Variants in RAD17 observed in about 807,000 individuals in gnomAD.
RAD17 encodes the protein RAD17 checkpoint clamp loader component.
Under a neutral mutation model 81.5 loss-of-function variants are expected in RAD17, and 31 were observed. The observed-to-expected ratio is 0.38, with a 90% confidence interval of 0.29 to 0.51. The LOEUF is 0.51. Among genes scored for constraint, RAD17 ranks in the 20% least tolerant of loss-of-function variants. RAD17 has a pLI of 0.88. For synonymous variants in RAD17, 261 were observed against 266.2 expected (o/e 0.98, Z 0.19); for missense variants, 681 against 781.2 (o/e 0.87, Z 1.53).
In RAD17 at chr5:69,414,046, C is replaced by T. The variant is rs145069236; in HGVS notation, c.1767C>T (p.Ala589=). 4 of 1,614,096 alleles carry T rather than the reference C, an allele frequency of 2.5e-6. No homozygotes were observed. The African/African-American group carries it at 5.3e-5, about 22-fold the overall frequency. ...KRHFGRLKME[A]LTDREHGMID... ...AATCTGACAGATTGAAAATGGAAGC[C>T]CTGACTGACAGGGAACATGGAATGA... is the stretch of plus-strand genomic sequence containing the variant. Residue 589 remains alanine (A), a synonymous_variant, in exon 19 of 19, where the codon GCC becomes GCT. Coordinates refer to ENST00000354868, the MANE Select transcript of RAD17 (RefSeq NM_133338.3).
intron 6 of RAD17, among the ~76,000 whole-genome samples, chr5:69,381,479 CA>C (rs57160119): frequency 0.026 from 3,505 of 133,006 alleles, 98 homozygotes; most frequent in African/African-American, 0.08. Flanking sequence ...AGACTCGTCT[CA>C]AAAAAAAAAA....
chr5:69,371,598 A>G, intron 3 of RAD17, 41 bp downstream of exon 3: 1 of 1,160,106 alleles, frequency 8.6e-7, no homozygotes, highest in Non-Finnish European at 1.2e-6. Context: ...TTGCCTTAAA[A>G]TAATTATAAA....
At chr5:69,389,191 C>A in intron 12 of RAD17, 46 bp downstream of exon 12, 2 of 1,169,102 alleles carry the variant, frequency 1.7e-6, no homozygotes, top group Non-Finnish European at 2.4e-6. Context: ...AGGTGACTGA[C>A]TTTCTCTTAA....
intron 18 of RAD17, among the ~76,000 whole-genome samples, chr5:69,410,991 A>ATATATATATC (rs1390764054): frequency 2.1e-5 from 3 of 144,538 alleles, no homozygotes; most frequent in African/African-American, 7.5e-5. Context: ...ATATATATAT[A>ATATATATATC]TATATACTGT....
chr5:69,402,526 GTGCC>G (rs1361970344), intron 17 of RAD17, among the ~76,000 whole-genome samples: 1 of 151,880 alleles, frequency 6.6e-6, no homozygotes, highest in African/African-American at 2.4e-5. Flanking sequence ...ACGGTGGCAG[GTGCC>G]TGTAGTCCCA....
intron 6 of RAD17, 73 bp downstream of exon 6, chr5:69,374,784 A>T: frequency 7.9e-7 from 1 of 1,262,006 alleles, no homozygotes; most frequent in Non-Finnish European, 1.1e-6. Context: ...GTTAGAAGTT[A>T]AAGTTTTATG....
intron 15 of RAD17, among the ~76,000 whole-genome samples, chr5:69,394,716 G>A (rs1001142114): frequency 4.6e-5 from 7 of 152,100 alleles, no homozygotes; most frequent in African/African-American, 1.2e-4. Flanking sequence ...ATTGCAGGGC[G>A]TTCTGTTGGA....
Position 69,412,133 on chromosome 5 carries a change from T to G in RAD17, c.1751+1583T>G, listed in dbSNP as rs375134099. Among the ~76,000 whole-genome samples the G allele has an allele frequency of 4.4e-3, 666 of 151,378 alleles. 7 individuals carry two copies. The highest frequency in any genetic ancestry group is 0.016 in the African/African-American group (649 of 40,740). ...CACCACGCCCAGCTAATTTTTTGTA[T>G]TTTTAGTAGAGACAGGGTTTCACTG... is the stretch of plus-strand genomic sequence containing the variant. On this transcript the variant is annotated intron_variant, in intron 18 of 18. Coordinates refer to ENST00000354868, the MANE Select transcript of RAD17 (RefSeq NM_133338.3).
In RAD17 at chr5:69,414,217, G is replaced by C. The variant is rs1390392341; in HGVS notation, c.1938G>C (p.Gln646His). ...QNSASELPAS[Q>H]PQPFSAQGDM... ...GTGCCAGTGAACTGCCTGCTAGCCAGCCCCAGCCCTTTTCAGCCCAAGGAG... is the reference window on the plus strand; with the variant it reads ...GTGCCAGTGAACTGCCTGCTAGCCACCCCCAGCCCTTTTCAGCCCAAGGAG... The change falls in exon 19 of 19, where the codon CAG becomes CAC. Residue 646 changes from glutamine to histidine, a missense_variant. By Grantham distance (24) the Gln-to-His change is conservative (BLOSUM62 0). Coordinates refer to ENST00000354868, the MANE Select transcript of RAD17 (RefSeq NM_133338.3). 6.2e-7 allele frequency: 1 copy of C among 1,614,198 alleles called. No homozygotes were observed. The highest frequency in any genetic ancestry group is 1.1e-5 in the South Asian group (1 of 91,082).
chr5:69,369,830 G>A lies in RAD17; in HGVS notation c.-520G>A, dbSNP rs769387404. ...TCCCCGGGAGGCCGTACCTCCGAGA[G>A]GCTCGGCGTTGAGCCCGGGTAGGGC... On this transcript the variant is annotated 5_prime_UTR_variant, in exon 1 of 19. Transcript: ENST00000354868. 1.6e-5 allele frequency: 16 copies of A among 984,002 alleles called. 1 individual carries two copies. The South Asian group carries it at 2.3e-4, about 14-fold the overall frequency. 61.0% of individuals were successfully genotyped at this position (984,002 alleles called of 1,614,324 possible). A position where few individuals can be genotyped will look rare whatever the true frequency, so the allele number is the denominator to read the frequency against.
In RAD17 at chr5:69,393,481, T is replaced by A. The variant is rs751080720; in HGVS notation, c.1403T>A (p.Ile468Asn). 2.8e-5 allele frequency: 45 copies of A among 1,606,686 alleles called. No individual in the cohort carries two copies. The highest frequency in any genetic ancestry group is 3.8e-5 in the Non-Finnish European group (45 of 1,177,928). ...RASEFLSFAD[I>N]LSGDWNTRSL... ...AGTGAATTTCTGAGTTTTGCAGATA[T>A]CCTCAGTGGTGACTGGAATGTAAGA... The change falls in exon 15 of 19, where the codon ATC (isoleucine) becomes AAC (asparagine). Residue 468 changes from isoleucine (I) to asparagine (N), a missense_variant. Ile to Asn is a moderately radical substitution (Grantham distance 149, BLOSUM62 -3). Transcript: ENST00000354868.
At chr5:69,382,621 A>C (rs1017371667) in intron 7 of RAD17, among the ~76,000 whole-genome samples, 8 of 152,256 alleles carry the variant, frequency 5.3e-5, no homozygotes, top group South Asian at 2.1e-4. Flanking sequence ...GTATTAACTA[A>C]GATATTTTAT....
At position 69,377,586 on chromosome 5, in the gene RAD17, CATAT is replaced by C. The variant is rs374588789; in HGVS notation, c.351+2882_351+2885del. Reference sequence around the variant, plus strand: ...ATATATATATGCATATATATGTATACATATATATATGCATATATATATGTATACA... The same window carrying C: ...ATATATATATGCATATATATGTATACATATATGCATATATATATGTATACA... On this transcript the variant is annotated intron_variant, in intron 6 of 18. Transcript: ENST00000354868. Among the ~76,000 whole-genome samples, 10 of 5,514 alleles carry C rather than the reference CATAT, an allele frequency of 1.8e-3. 4 individuals are homozygous for C. The highest frequency in any genetic ancestry group is 6.8e-3 in the Non-Finnish European group (10 of 1,474). 3.6% of individuals were successfully genotyped at this position (5,514 alleles called of 152,430 possible).
intron 12 of RAD17, among the ~76,000 whole-genome samples, chr5:69,390,105 A>G (rs575464886): frequency 6.6e-6 from 1 of 152,330 alleles, no homozygotes; most frequent in East Asian, 1.9e-4. Flanking sequence ...TTTTACTGTA[A>G]TGGTCATCGT....
At chr5:69,393,892 G>A (rs896717799) in intron 15 of RAD17, among the ~76,000 whole-genome samples, 1 of 89,582 alleles carries the variant, frequency 1.1e-5, no homozygotes, top group Non-Finnish European at 2.3e-5. Context: ...CTGATTTTGT[G>A]TTTTGTGTTA....
intron 16 of RAD17, among the ~76,000 whole-genome samples, chr5:69,399,685 C>CGTT (rs4066045): frequency 0.5 from 75,472 of 151,738 alleles, 18,772 homozygotes; most frequent in South Asian, 0.54. Flanking sequence ...CTCAGCATAA[C>CGTT]GTGTTGACTA....
rs17230194 is a variant in RAD17, at chr5:69,409,392, C to T, written c.1694-1101C>T. 6.5e-3 allele frequency among the ~76,000 whole-genome samples: 995 copies of T among 152,194 alleles called. 6 individuals are homozygous for T. Among genetic ancestry groups the T allele is most frequent in the Middle Eastern group, 0.014 (4 of 294 alleles). The stretch of plus-strand genomic sequence containing the variant: ...AGGAGTCCTTTGTTCTTGGCTGTAC[C>T]CACCTGGAATGAAATGTTCATCAAG... On this transcript the variant is annotated intron_variant, in intron 17 of 18. Transcript: ENST00000354868.
chr5:69,372,700 C>G (rs1406847513), intron 4 of RAD17, among the ~76,000 whole-genome samples: 1 of 151,970 alleles, frequency 6.6e-6, no homozygotes, highest in Non-Finnish European at 1.5e-5. Flanking sequence ...CAACCTTGAC[C>G]TCCCGCGCTC....
At chr5:69,374,231 T>C (rs1652875952) in intron 5 of RAD17, 144 bp downstream of exon 5, 6 of 712,276 alleles carry the variant, frequency 8.4e-6, no homozygotes, top group Non-Finnish European at 1.4e-5. Context: ...ATTTTTTTAT[T>C]TTCCAAGGCT....
Sources: allele counts gnomAD v4.1 joint callset (sites outside exome capture counted in the v4.1 genomes callset), GRCh38; gene constraint gnomAD v4.1.1; transcripts MANE v1.5; gene names NCBI Gene and HGNC (gene_info 2026-07-23, HGNC 2026-07-21).